Variants in OR9G4 observed in about 807,000 individuals in gnomAD.
The protein encoded by OR9G4 is olfactory receptor family 9 subfamily G member 4.
Under a neutral mutation model 16.7 loss-of-function variants are expected in OR9G4, and 19 were observed. That is an observed-to-expected ratio of 1.14 (90% confidence interval 0.79 to 1.67). The LOEUF (loss-of-function observed/expected upper bound fraction) is 1.67. Among genes scored for constraint, OR9G4 ranks in the 40% most tolerant of loss-of-function variants. OR9G4 has a pLI of 0.00. For synonymous variants in OR9G4, 182 were observed against 146.2 expected (o/e 1.24, Z -1.76); for missense variants, 428 against 370.4 (o/e 1.16, Z -1.28).
intron 1 of OR9G4, among the ~76,000 whole-genome samples, chr11:56,746,640 T>C (rs1043399166): frequency 6.6e-6 from 1 of 152,184 alleles, no homozygotes; most frequent in Non-Finnish European, 1.5e-5. Flanking sequence ...AAACTAATCA[T>C]GTTTAAAGTT....
In OR9G4 at chr11:56,743,453, C is replaced by T. The variant is rs145097076; in HGVS notation, c.314G>A (p.Cys105Tyr). The T allele has an allele frequency of 1.3e-4, 203 of 1,613,956 alleles. No homozygotes were observed. The African/African-American group carries it at 2.5e-3, about 20-fold the overall frequency. Residue 105 changes from cysteine to tyrosine, a missense_variant, in exon 2 of 2, where the codon TGT becomes TAT. Coordinates refer to ENST00000641668, the MANE Select transcript of OR9G4 (RefSeq NM_001005284.2). ...AGCGAQLFFS[C>Y]VVAYTECYLL... Reference sequence around the variant, plus strand: ...ATAGCATTCAGTGTAGGCTACAACACAGGAAAAAAACAGCTGAGCCCCACA... The same window carrying T: ...ATAGCATTCAGTGTAGGCTACAACATAGGAAAAAAACAGCTGAGCCCCACA...
rs200683449 is a variant in OR9G4 at position 56,743,286 on chromosome 11, C to T, written c.481G>A (p.Ala161Thr). ...GGFLNAIAHTANTFRLHFCGK... is the reference protein window; with the variant it reads ...GGFLNAIAHTTNTFRLHFCGK... Reference sequence around the variant, plus strand: ...CAAAAATGCAGGCGGAATGTATTGGCAGTATGGGCTATGGCATTCAAAAAT... The same window carrying T: ...CAAAAATGCAGGCGGAATGTATTGGTAGTATGGGCTATGGCATTCAAAAAT... Residue 161 changes from alanine to threonine, a missense_variant, in exon 2 of 2, where the codon GCC becomes ACC. Ala to Thr is a moderately conservative substitution (Grantham distance 58). Transcript: ENST00000641668. 4.5e-5 allele frequency: 73 copies of T among 1,614,124 alleles called. No individual in the cohort carries two copies. In the Middle Eastern group the frequency reaches 8.2e-4, roughly 18 times the overall value.
chr11:56,743,310 A>T lies in OR9G4; in HGVS notation c.457T>A (p.Phe153Ile). The change falls in exon 2 of 2, where the codon TTT (phenylalanine) becomes ATT (isoleucine). Residue 153 changes from phenylalanine (F) to isoleucine (I), a missense_variant. Physicochemically the swap from Phe to Ile is conservative, Grantham distance 21. Coordinates refer to ENST00000641668, the MANE Select transcript of OR9G4 (RefSeq NM_001005284.2). ...GLVAGSYIGG[F>I]LNAIAHTANT... Reference sequence around the variant, plus strand: ...GCAGTATGGGCTATGGCATTCAAAAATCCTCCTATGTAGGAGCCAGCAACA... The same window carrying T: ...GCAGTATGGGCTATGGCATTCAAAATTCCTCCTATGTAGGAGCCAGCAACA... The T allele has an allele frequency of 6.2e-7, 1 of 1,614,176 alleles. No homozygotes were observed. Among genetic ancestry groups the T allele is most frequent in the Non-Finnish European group, 8.5e-7 (1 of 1,180,038 alleles).
rs542355196 is a variant in OR9G4, at chr11:56,745,966, C to T, written c.-22-2178G>A. ...GACAACTGCACCCTTCTTTTCATCT[C>T]AAGATTTGCATACACATTCTTGTGT... On this transcript the variant is annotated intron_variant, in intron 1 of 1. Transcript: ENST00000641668. 9.2e-5 allele frequency among the ~76,000 whole-genome samples: 14 copies of T among 152,020 alleles called. No homozygotes were observed. The South Asian group carries it at 1.0e-3, about 11-fold the overall frequency.
chr11:56,746,484 C>A (rs59582818), intron 1 of OR9G4, among the ~76,000 whole-genome samples: 1 of 151,802 alleles, frequency 6.6e-6, no homozygotes, highest in Non-Finnish European at 1.5e-5. Context: ...TGTAAAAACA[C>A]GCAAAATTTT....
chr11:56,746,735 C>G (rs1858422837), intron 1 of OR9G4, among the ~76,000 whole-genome samples: 1 of 152,152 alleles, frequency 6.6e-6, no homozygotes, highest in Non-Finnish European at 1.5e-5. Context: ...GATCTGAAGT[C>G]AAAAATTTGG....
intron 1 of OR9G4, among the ~76,000 whole-genome samples, chr11:56,745,623 TCAGC>T (rs1858395633): frequency 6.6e-6 from 1 of 151,894 alleles, no homozygotes; most frequent in Non-Finnish European, 1.5e-5. Flanking sequence ...CTACTAAAAA[TCAGC>T]CAGGCGTGGT....
At position 56,743,526 on chromosome 11, in the gene OR9G4, T is replaced by A; in HGVS notation, c.241A>T (p.Ile81Phe). Reference protein sequence around the residue: ...FWYTSVYTPKILASCVSEDKR... With the variant: ...FWYTSVYTPKFLASCVSEDKR... ...TCTTCTGAGACACAACTGGCCAGGA[T>A]TTTGGGGGTATACACAGAGGTATAC... The change falls in exon 2 of 2, where the codon ATC (isoleucine) becomes TTC (phenylalanine). Residue 81 changes from isoleucine to phenylalanine, a missense_variant. Transcript: ENST00000641668. The A allele has an allele frequency of 1.2e-6, 2 of 1,614,086 alleles. No homozygotes were observed. Among genetic ancestry groups the A allele is most frequent in the Non-Finnish European group, 1.7e-6 (2 of 1,180,010 alleles).
chr11:56,747,487 A>G (rs574659085), intron 1 of OR9G4, among the ~76,000 whole-genome samples: 2 of 152,038 alleles, frequency 1.3e-5, no homozygotes, highest in Admixed American at 6.5e-5. Flanking sequence ...TATTAAATCT[A>G]TTGCCTGCTT....
Position 56,741,709 on chromosome 11 carries a change from A to T in OR9G4, c.*1119T>A, listed in dbSNP as rs980608850. ...TTTAATTAATTTTTTAAATGTGCTA[A>T]TTCCAGCAAATGTTATAACCTTTCC... On this transcript the variant is annotated 3_prime_UTR_variant, in exon 2 of 2. Transcript: ENST00000641668. 12 of 152,224 alleles carry T rather than the reference A, an allele frequency of 7.9e-5. No individual in the cohort carries two copies. Among genetic ancestry groups the T allele is most frequent in the Non-Finnish European group, 1.0e-4 (7 of 68,050 alleles). 9.4% of individuals were successfully genotyped at this position (152,224 alleles called of 1,614,324 possible).
Position 56,743,666 on chromosome 11 carries a change from A to C in OR9G4, c.101T>G (p.Leu34Arg), listed in dbSNP as rs1858352458. Residue 34 changes from leucine (L) to arginine (R), a missense_variant, in exon 2 of 2, where the codon CTC (leucine) becomes CGC (arginine). Physicochemically the swap from Leu to Arg is moderately radical, Grantham distance 102. Coordinates refer to ENST00000641668, the MANE Select transcript of OR9G4 (RefSeq NM_001005284.2). Reference protein sequence around the residue: ...QPILFGVFLMLYLITLSGNMT... With the variant: ...QPILFGVFLMRYLITLSGNMT... ...GTTTCCTGACAAGGTTATCAAATAG[A>C]GCATCAGAAACACTCCAAATAGAAT... 2 of 1,614,020 alleles carry C rather than the reference A, an allele frequency of 1.2e-6. No individual in the cohort carries two copies. Among genetic ancestry groups the C allele is most frequent in the East Asian group, 2.2e-5 (1 of 44,884 alleles).
At chr11:56,745,333 C>CA (rs1443839580) in intron 1 of OR9G4, among the ~76,000 whole-genome samples, 1 of 151,986 alleles carries the variant, frequency 6.6e-6, no homozygotes, top group African/African-American at 2.4e-5. Flanking sequence ...TTGTGGGGTC[C>CA]AATATTTGGT....
rs1378194548 is a variant in OR9G4, at chr11:56,743,279, G to A, written c.488C>T (p.Thr163Ile). The A allele has an allele frequency of 3.1e-6, 5 of 1,614,048 alleles. No homozygotes were observed. The highest frequency in any genetic ancestry group is 1.3e-5 in the African/African-American group (1 of 74,908). ...TTTACCACAAAAATGCAGGCGGAATGTATTGGCAGTATGGGCTATGGCATT... is the reference window on the plus strand; with the variant it reads ...TTTACCACAAAAATGCAGGCGGAATATATTGGCAGTATGGGCTATGGCATT... ...FLNAIAHTAN[T>I]FRLHFCGKNI... is the part of the protein sequence containing the mutation. The change falls in exon 2 of 2, where the codon ACA (threonine) becomes ATA (isoleucine). Residue 163 changes from threonine to isoleucine, a missense_variant. Thr to Ile is a moderately conservative substitution (Grantham distance 89). Transcript: ENST00000641668.
Position 56,742,671 on chromosome 11 carries a change from A to T in OR9G4, c.*157T>A. The T allele has an allele frequency of 1.5e-6, 1 of 659,322 alleles. No individual in the cohort carries two copies. The highest frequency in any genetic ancestry group is 2.6e-6 in the Non-Finnish European group (1 of 386,970). The allele number at this position is 659,322 out of a possible 1,614,324, so 40.8% of individuals were successfully genotyped here. A position where few individuals can be genotyped will look rare whatever the true frequency, so the allele number is the denominator to read the frequency against. On this transcript the variant is annotated 3_prime_UTR_variant, in exon 2 of 2. Coordinates refer to ENST00000641668, the MANE Select transcript of OR9G4 (RefSeq NM_001005284.2). ...TTAAATATTACTTTGTTTTGTTTAC[A>T]TCATAACAAACGAATAACAAGGAGT... is the stretch of plus-strand genomic sequence containing the variant.
At chr11:56,743,897 T>C in intron 1 of OR9G4, 109 bp from the exon 2 acceptor site, 1 of 1,268,102 alleles carries the variant, frequency 7.9e-7, no homozygotes, top group Non-Finnish European at 1.1e-6. Flanking sequence ...TTTTTCTCCC[T>C]TACTATCTAG....
At chr11:56,747,890 G>A (rs1197840267) in intron 1 of OR9G4, among the ~76,000 whole-genome samples, 1 of 152,154 alleles carries the variant, frequency 6.6e-6, no homozygotes, top group African/African-American at 2.4e-5. Context: ...TGGCCAGGCT[G>A]GTCTTGAACT....
At chr11:56,744,857 C>T (rs1261274069) in intron 1 of OR9G4, among the ~76,000 whole-genome samples, 4 of 152,166 alleles carry the variant, frequency 2.6e-5, no homozygotes, top group African/African-American at 9.7e-5. Context: ...TATGATCCAG[C>T]CTACAGTGGC....
chr11:56,742,722 A>C lies in OR9G4; in HGVS notation c.*106T>G. The stretch of plus-strand genomic sequence containing the variant: ...CATGTGGTCAATATTTTAATGTTTT[A>C]AATATGACTTATTGAACTTAATTGA... On this transcript the variant is annotated 3_prime_UTR_variant, in exon 2 of 2. Coordinates refer to ENST00000641668, the MANE Select transcript of OR9G4 (RefSeq NM_001005284.2). 5 of 961,242 alleles carry C rather than the reference A, an allele frequency of 5.2e-6. No homozygotes were observed. The highest frequency in any genetic ancestry group is 7.9e-6 in the Non-Finnish European group (5 of 635,268). The allele number at this position is 961,242 out of a possible 1,614,324, so 59.5% of individuals were successfully genotyped here.
At chr11:56,744,568 T>C (rs1331169687) in intron 1 of OR9G4, among the ~76,000 whole-genome samples, 1 of 152,216 alleles carries the variant, frequency 6.6e-6, no homozygotes, top group East Asian at 1.9e-4. Flanking sequence ...ATTATGACCA[T>C]GTACCAGTTA....
Sources: allele counts gnomAD v4.1 joint callset (sites outside exome capture counted in the v4.1 genomes callset), GRCh38; gene constraint gnomAD v4.1.1; transcripts MANE v1.5; gene names NCBI Gene and HGNC (gene_info 2026-07-23, HGNC 2026-07-21).